The following THBS2 variants were observed in gnomAD, a reference collection of about 807,000 sequenced individuals.
The protein encoded by THBS2 is thrombospondin 2, also known as thrombospondin-2.
A neutral mutation model predicts 135.2 loss-of-function variants in THBS2; 47 were observed. The ratio of observed to expected loss-of-function variants is 0.35; its 90% CI spans 0.28 to 0.44. The LOEUF (loss-of-function observed/expected upper bound fraction) is 0.44. Among genes scored for constraint, THBS2 ranks in the 20% least tolerant of loss-of-function variants. The pLI, the probability that THBS2 is intolerant of heterozygous loss-of-function variation, is 1.00. For missense variants in THBS2, 1,288 were observed against 1,603.1 expected, an observed-to-expected ratio of 0.80 and a Z score of 3.36; for synonymous variants, 639 against 633.8, an observed-to-expected ratio of 1.01 and a Z score of -0.12.
chr6:169,248,839 T>C lies in THBS2; in HGVS notation c.187A>G (p.Ile63Val). 6.2e-7 allele frequency: 1 copy of C among 1,611,146 alleles called. No homozygotes were observed. Among genetic ancestry groups the C allele is most frequent in the South Asian group, 1.1e-5 (1 of 91,068 alleles). ...PAYRFVRFDY[I>V]PPVNADDLSK... is the part of the protein sequence containing the mutation. Reference sequence around the variant, plus strand: ...AGGTCATCTGCGTTCACCGGTGGGATGTAGTCAAAGCGCACGAAGCGGTAA... The same window carrying C: ...AGGTCATCTGCGTTCACCGGTGGGACGTAGTCAAAGCGCACGAAGCGGTAA... Residue 63 changes from isoleucine to valine, a missense_variant, in exon 3 of 22, where the codon ATC (isoleucine) becomes GTC (valine). Physicochemically the swap from Ile to Val is conservative, Grantham distance 29. This residue lies in a region of THBS2 where 414 missense variants were observed against 447.0 expected (regional missense o/e 0.93). Transcript: ENST00000617924.
chr6:169,227,364 G>A (rs928063465), intron 15 of THBS2, among the ~76,000 whole-genome samples: 2 of 152,200 alleles, frequency 1.3e-5, no homozygotes, highest in Admixed American at 6.5e-5. Flanking sequence ...TGCAGAGCTC[G>A]CTTACCAAGG....
chr6:169,224,313 TG>T (rs967605100), intron 17 of THBS2, among the ~76,000 whole-genome samples: 2 of 152,198 alleles, frequency 1.3e-5, no homozygotes, highest in African/African-American at 4.8e-5. Context: ...AGTCCCTCCC[TG>T]GGGAAAGGCT....
intron 19 of THBS2, among the ~76,000 whole-genome samples, chr6:169,221,940 C>G (rs940986008): frequency 2.0e-5 from 3 of 152,178 alleles, no homozygotes; most frequent in Non-Finnish European, 4.4e-5. Context: ...TGCTCACTCC[C>G]TATCTCCAGA....
In THBS2 at chr6:169,229,769, G is replaced by A. The variant is rs1397946119; in HGVS notation, c.2152-90C>T. ...GGTGAAATGAAACCAGCATGGCGCCGAGGAAGGAAGCGTGCCCCATCAGTC... is the reference window on the plus strand; with the variant it reads ...GGTGAAATGAAACCAGCATGGCGCCAAGGAAGGAAGCGTGCCCCATCAGTC... On this transcript the variant is annotated intron_variant, in intron 13 of 21. Coordinates refer to ENST00000617924, the MANE Select transcript of THBS2 (RefSeq NM_003247.5). The A allele has an allele frequency of 7.8e-6, 8 of 1,027,726 alleles. 1 individual carries two copies. The highest frequency in any genetic ancestry group is 4.1e-5 in the South Asian group (3 of 72,410). 63.7% of individuals were successfully genotyped at this position (1,027,726 alleles called of 1,614,324 possible).
chr6:169,218,790 TTGG>T (rs1421261004), intron 21 of THBS2, among the ~76,000 whole-genome samples: 1 of 54,234 alleles, frequency 1.8e-5, no homozygotes, highest in East Asian at 4.8e-4. Context: ...GATGAGTGGG[TTGG>T]TGGATGAGAT....
chr6:169,228,088 A>G (rs1432700978), intron 15 of THBS2, 34 bp downstream of exon 15: 1 of 1,528,382 alleles, frequency 6.5e-7, no homozygotes, highest in African/African-American at 1.5e-5. Flanking sequence ...AAAAAAAAAA[A>G]AGTGCACGCA....
At position 169,250,774 on chromosome 6, in the gene THBS2, CT is replaced by C; in HGVS notation, c.10del (p.Arg4GlyfsTer63). 6.2e-7 allele frequency: 1 copy of C among 1,613,648 alleles called. No homozygotes were observed. Among genetic ancestry groups the C allele is most frequent in the Non-Finnish European group, 8.5e-7 (1 of 1,179,834 alleles). ...CACCCACAGAGCCAGCAGGACCAGCCTCCAGACCATCCTGCCTCCTGCAGCT... is the reference window on the plus strand; with the variant it reads ...CACCCACAGAGCCAGCAGGACCAGCCCCAGACCATCCTGCCTCCTGCAGCT... MVW[R>X]LVLLALWVWP... On this transcript the variant is annotated frameshift_variant, in exon 2 of 22. Transcript: ENST00000617924. LOFTEE classifies it high-confidence loss of function.
At position 169,217,125 on chromosome 6, in the gene THBS2, GTTTGTTC is replaced by G. The variant is rs1779200907; in HGVS notation, c.*690_*696del. ...CCGCGTCACACCCATTTGCAAGGAT[GTTTGTTC>G]TTTGATGAAACTGCATCTCTACTGC... On this transcript the variant is annotated 3_prime_UTR_variant, in exon 22 of 22. Transcript: ENST00000617924. The G allele has an allele frequency of 6.6e-6, 1 of 152,250 alleles. No homozygotes were observed. Among genetic ancestry groups the G allele is most frequent in the South Asian group, 2.1e-4 (1 of 4,832 alleles). The allele number at this position is 152,250 out of a possible 1,614,324, so 9.4% of individuals were successfully genotyped here.
intron 21 of THBS2, among the ~76,000 whole-genome samples, chr6:169,219,177 T>G (rs1779319800): frequency 7.3e-6 from 1 of 136,208 alleles, no homozygotes; most frequent in African/African-American, 2.9e-5. Flanking sequence ...GTGAATGAAA[T>G]GGTTGGGTGG....
Position 169,232,999 on chromosome 6 carries a change from G to A in THBS2, c.1670C>T (p.Pro557Leu). The A allele has an allele frequency of 6.5e-7, 1 of 1,543,996 alleles. No homozygotes were observed. Among genetic ancestry groups the A allele is most frequent in the Non-Finnish European group, 8.7e-7 (1 of 1,148,166 alleles). ...GCTGCACTGGGCTCCCGGGAAGCAG[G>A]GGTTGGATAAACAGCCATCTGGGTG... Reference protein sequence around the residue: ...SCPVDGCLSNPCFPGAQCSSF... With the variant: ...SCPVDGCLSNLCFPGAQCSSF... The change falls in exon 11 of 22, where the codon CCC (proline) becomes CTC (leucine). Residue 557 changes from proline (P) to leucine (L), a missense_variant. By Grantham distance (98) the Pro-to-Leu change is moderately conservative (BLOSUM62 -3). This residue lies in a region of THBS2 where 874 missense variants were observed against 1,156.1 expected (regional missense o/e 0.76). Coordinates refer to ENST00000617924, the MANE Select transcript of THBS2 (RefSeq NM_003247.5).
intron 4 of THBS2, among the ~76,000 whole-genome samples, chr6:169,245,606 C>T (rs1780519988): frequency 6.6e-6 from 1 of 152,038 alleles, no homozygotes; most frequent in African/African-American, 2.4e-5. Flanking sequence ...TCTTGGCTAA[C>T]ACGCTGAAAC....
At chr6:169,236,804 C>CCGTCCG (rs1780108410) in intron 9 of THBS2, among the ~76,000 whole-genome samples, 1 of 149,954 alleles carries the variant, frequency 6.7e-6, no homozygotes, top group African/African-American at 2.5e-5. Context: ...GCACTCACTC[C>CCGTCCG]CATCCACACT....
chr6:169,218,146 A>G lies in THBS2; in HGVS notation c.3512-317T>C, dbSNP rs1779253251. The stretch of plus-strand genomic sequence containing the variant: ...GTGGGTGGGTGGATGAGATGGATGG[A>G]TGGATGGATGAAATGAGTGGGTGGA... On this transcript the variant is annotated intron_variant, in intron 21 of 21. Coordinates refer to ENST00000617924, the MANE Select transcript of THBS2 (RefSeq NM_003247.5). 3.5e-5 allele frequency among the ~76,000 whole-genome samples: 5 copies of G among 142,636 alleles called. No individual in the cohort carries two copies. In the South Asian group the frequency reaches 7.3e-4, roughly 21 times the overall value. The allele number at this position is 142,636 out of a possible 152,430, so 93.6% of individuals were successfully genotyped here. A position where few individuals can be genotyped will look rare whatever the true frequency, so the allele number is the denominator to read the frequency against.
In THBS2 at chr6:169,248,909, G is replaced by A. The variant is rs769515858; in HGVS notation, c.117C>T (p.Thr39=). 5 of 1,613,766 alleles carry A rather than the reference G, an allele frequency of 3.1e-6. No individual in the cohort carries two copies. The highest frequency in any genetic ancestry group is 4.2e-6 in the Non-Finnish European group (5 of 1,179,986). ...GCCCGCGGAACTGCTTGGCGCCAAT[G>A]GTCTTGCGGTTGATGTTGCTGATAC... is the stretch of plus-strand genomic sequence containing the variant. The part of the protein sequence containing the change: ...LFSISNINRK[T]IGAKQFRGPD... The change falls in exon 3 of 22, where the codon ACC becomes ACT. Residue 39 remains threonine, a synonymous_variant. Coordinates refer to ENST00000617924, the MANE Select transcript of THBS2 (RefSeq NM_003247.5).
Position 169,225,393 on chromosome 6 carries a change from C to T in THBS2, c.2539-14G>A, listed in dbSNP as rs1017560868. 1.5e-5 allele frequency: 24 copies of T among 1,551,770 alleles called. No homozygotes were observed. The highest frequency in any genetic ancestry group is 1.7e-4 in the Middle Eastern group (1 of 6,016). On this transcript the variant is annotated splice_polypyrimidine_tract_variant and intron_variant, in intron 16 of 21. Transcript: ENST00000617924. Reference sequence around the variant, plus strand: ...GTCCACGTCGGTCTAGGGGATGGGGCGTGAGAGAAACAGCAGAGGACTGCC... The same window carrying T: ...GTCCACGTCGGTCTAGGGGATGGGGTGTGAGAGAAACAGCAGAGGACTGCC...
At chr6:169,228,081 A>G in intron 15 of THBS2, 41 bp downstream of exon 15, 3 of 1,557,690 alleles carry the variant, frequency 1.9e-6, no homozygotes, top group Non-Finnish European at 2.6e-6. Flanking sequence ...TCTCAAAAAA[A>G]AAAAAAAAGT....
At chr6:169,249,642 G>C (rs1780687170) in intron 2 of THBS2, among the ~76,000 whole-genome samples, 1 of 152,244 alleles carries the variant, frequency 6.6e-6, no homozygotes, top group Non-Finnish European at 1.5e-5. Context: ...ATCTGAAAGA[G>C]TGGTCAGTAT....
chr6:169,240,620 GT>G, intron 5 of THBS2, 28 bp from the exon 6 acceptor site: 3 of 1,612,160 alleles, frequency 1.9e-6, no homozygotes, highest in African/African-American at 2.7e-5. Context: ...ACATTTAAGT[GT>G]AGACAATAAT....
Position 169,241,704 on chromosome 6 carries a change from G to A in THBS2, c.891+58C>T, listed in dbSNP as rs1583417625. On this transcript the variant is annotated intron_variant, in intron 5 of 21. Coordinates refer to ENST00000617924, the MANE Select transcript of THBS2 (RefSeq NM_003247.5). The surrounding 1 kb of genome is among the most constrained non-coding windows in gnomAD (Gnocchi z 5.5). ...GGAATGTTGATACCTGCTGAGATGG[G>A]CCAGCGGCGGAGCTGCCCATGCCCT... 3 of 1,519,106 alleles carry A rather than the reference G, an allele frequency of 2.0e-6. No individual in the cohort carries two copies. Among genetic ancestry groups the A allele is most frequent in the East Asian group, 2.3e-5 (1 of 43,792 alleles). 94.1% of individuals were successfully genotyped at this position (1,519,106 alleles called of 1,614,324 possible).
Sources: allele counts gnomAD v4.1 joint callset (sites outside exome capture counted in the v4.1 genomes callset), GRCh38; gene constraint gnomAD v4.1.1; regional missense constraint gnomAD v4.1.1; non-coding constraint Gnocchi (gnomAD v3.1); transcripts MANE v1.5; gene names NCBI Gene and HGNC (gene_info 2026-07-23, HGNC 2026-07-21).